Variants in STEAP1B observed in about 807,000 individuals in gnomAD.
The protein encoded by STEAP1B is STEAP family protein MGC87042.
Under a neutral mutation model 27.9 loss-of-function variants are expected in STEAP1B, and 13 were observed. The ratio of observed to expected loss-of-function variants is 0.47; its 90% confidence interval spans 0.30 to 0.74. STEAP1B has a LOEUF of 0.74. STEAP1B is among the 30% of genes least tolerant of loss of function. The pLI is 0.06. For missense variants in STEAP1B, 250 were observed against 298.7 expected (o/e 0.84, Z 1.20); for synonymous variants, 86 against 107.1 (o/e 0.80, Z 1.22).
intron 4 of STEAP1B, among the ~76,000 whole-genome samples, chr7:22,472,536 T>C (rs1785903018): frequency 6.6e-6 from 1 of 152,234 alleles, no homozygotes; most frequent in Non-Finnish European, 1.5e-5. Context: ...TTTAGAAGTT[T>C]TACGGCAAGT....
intron 4 of STEAP1B, among the ~76,000 whole-genome samples, chr7:22,454,856 T>TAAATATAA (rs1331271456): frequency 0.1 from 8,308 of 83,386 alleles, 328 homozygotes; most frequent in East Asian, 0.32. Flanking sequence ...TATGTATATA[T>TAAATATAA]ATATATATAT....
At chr7:22,420,765 T>C (rs1274128645) in intron 4 of STEAP1B, among the ~76,000 whole-genome samples, 1 of 152,248 alleles carries the variant, frequency 6.6e-6, no homozygotes, top group Non-Finnish European at 1.5e-5. Flanking sequence ...CATACTTACA[T>C]GGCACTTGGT....
At chr7:22,469,019 GC>G (rs1308569295) in intron 4 of STEAP1B, among the ~76,000 whole-genome samples, 1 of 152,096 alleles carries the variant, frequency 6.6e-6, no homozygotes, top group Non-Finnish European at 1.5e-5. Flanking sequence ...TTGTAAAACA[GC>G]CTCAGGTAGG....
intron 2 of STEAP1B, among the ~76,000 whole-genome samples, chr7:22,494,363 A>T (rs920905970): frequency 6.6e-6 from 1 of 152,134 alleles, no homozygotes; most frequent in Non-Finnish European, 1.5e-5. Context: ...ATCTCTTGGT[A>T]AGCTGCCACT....
intron 4 of STEAP1B, among the ~76,000 whole-genome samples, chr7:22,446,428 C>T (rs1428298771): frequency 6.6e-6 from 1 of 152,172 alleles, no homozygotes; most frequent in East Asian, 1.9e-4. Flanking sequence ...GATTCTTAGG[C>T]CAACCCCAGA....
rs1785019559 is a variant in STEAP1B at position 22,419,617 on chromosome 7, C to T, written c.*187G>A. 1 of 523,132 alleles carries T rather than the reference C, an allele frequency of 1.9e-6. No individual in the cohort carries two copies. The highest frequency in any genetic ancestry group is 1.9e-5 in the African/African-American group (1 of 51,872). 32.4% of individuals were successfully genotyped at this position (523,132 alleles called of 1,614,324 possible). On this transcript the variant is annotated 3_prime_UTR_variant, in exon 5 of 5. Coordinates refer to ENST00000678116, the MANE Select transcript of STEAP1B (RefSeq NM_001382447.1). Reference sequence around the variant, plus strand: ...CATATGGACTTTTTGTTTGCTCTCTCATGAGTCCGCTGGGGGATCCACTCA... The same window carrying T: ...CATATGGACTTTTTGTTTGCTCTCTTATGAGTCCGCTGGGGGATCCACTCA...
chr7:22,450,151 C>T (rs1432201390), intron 4 of STEAP1B, among the ~76,000 whole-genome samples: 2 of 152,084 alleles, frequency 1.3e-5, no homozygotes, highest in African/African-American at 2.4e-5. Context: ...TCCTATTTGT[C>T]CATTTTTGCT....
intron 4 of STEAP1B, among the ~76,000 whole-genome samples, chr7:22,460,895 T>C (rs1383551975): frequency 6.6e-6 from 1 of 152,184 alleles, no homozygotes; most frequent in Non-Finnish European, 1.5e-5. Flanking sequence ...AAGATATACC[T>C]TTTCATTGTA....
chr7:22,481,543 G>A (rs73085126), intron 4 of STEAP1B, among the ~76,000 whole-genome samples: 14,109 of 152,290 alleles, frequency 0.093, 744 homozygotes, highest in Non-Finnish European at 0.12. Context: ...AGGCCCCACC[G>A]TAGTCCAACA....
At chr7:22,452,410 G>A (rs994879493) in intron 4 of STEAP1B, among the ~76,000 whole-genome samples, 1 of 151,934 alleles carries the variant, frequency 6.6e-6, no homozygotes, top group Non-Finnish European at 1.5e-5. Flanking sequence ...GCCCTCTATT[G>A]GCAGACAATC....
At position 22,438,510 on chromosome 7, in the gene STEAP1B, C is replaced by A. The variant is rs377232146; in HGVS notation, c.763-18674G>T. The A allele has an allele frequency of 1.9e-6, 3 of 1,550,624 alleles. No individual in the cohort carries two copies. The African/African-American group carries it at 4.1e-5, about 21-fold the overall frequency. On this transcript the variant is annotated intron_variant, in intron 4 of 4. Coordinates refer to ENST00000678116, the MANE Select transcript of STEAP1B (RefSeq NM_001382447.1). Reference sequence around the variant, plus strand: ...ATGCTTAAATCTGAAAGATGATCAGCAATAACTTGTCTTTTTTATTGAGAT... The same window carrying A: ...ATGCTTAAATCTGAAAGATGATCAGAAATAACTTGTCTTTTTTATTGAGAT...
Position 22,419,559 on chromosome 7 carries a change from C to A in STEAP1B, c.*245G>T, listed in dbSNP as rs1162666509. On this transcript the variant is annotated 3_prime_UTR_variant, in exon 5 of 5. Transcript: ENST00000678116. The stretch of plus-strand genomic sequence containing the variant: ...GGATAGGCTAGGTTAGGCTCCGTAA[C>A]AACCAACACAATCTCAGTGGATTAG... The A allele has an allele frequency of 2.3e-5, 8 of 342,776 alleles. No individual in the cohort carries two copies. The highest frequency in any genetic ancestry group is 4.2e-5 in the Non-Finnish European group (8 of 188,540). The allele number at this position is 342,776 out of a possible 1,614,324, so 21.2% of individuals were successfully genotyped here. A position where few individuals can be genotyped will look rare whatever the true frequency, so the allele number is the denominator to read the frequency against.
intron 4 of STEAP1B, among the ~76,000 whole-genome samples, chr7:22,446,535 C>T (rs1785411803): frequency 1.3e-5 from 2 of 152,208 alleles, no homozygotes; most frequent in African/African-American, 4.8e-5. Context: ...TAAACACTGC[C>T]CTAAGATTTC....
chr7:22,466,764 C>T (rs1785791499), intron 4 of STEAP1B, among the ~76,000 whole-genome samples: 2 of 152,156 alleles, frequency 1.3e-5, no homozygotes, highest in South Asian at 4.1e-4. Context: ...AAGTAAGAAG[C>T]AGTTGACAGG....
chr7:22,484,124 G>A (rs1014921162), intron 4 of STEAP1B, among the ~76,000 whole-genome samples: 3 of 152,344 alleles, frequency 2.0e-5, no homozygotes, highest in African/African-American at 7.2e-5. Flanking sequence ...TGGAGAAGCT[G>A]TAGTGAGTTA....
chr7:22,485,750 T>C (rs1458205349), intron 4 of STEAP1B, among the ~76,000 whole-genome samples: 3 of 152,200 alleles, frequency 2.0e-5, no homozygotes. Flanking sequence ...TTGCGTGAAA[T>C]TCCACCATGA....
intron 1 of STEAP1B, among the ~76,000 whole-genome samples, chr7:22,496,895 C>T (rs990015388): frequency 2.6e-5 from 4 of 152,330 alleles, no homozygotes; most frequent in Admixed American, 6.5e-5. Flanking sequence ...CTTTTATATA[C>T]GCCAACATTT....
chr7:22,484,663 T>G (rs1786169024), intron 4 of STEAP1B, among the ~76,000 whole-genome samples: 1 of 152,246 alleles, frequency 6.6e-6, no homozygotes, highest in East Asian at 1.9e-4. Context: ...TTTTTTGAAG[T>G]ATATTTTATA....
chr7:22,499,111 C>T (rs2390659), intron 1 of STEAP1B, among the ~76,000 whole-genome samples: 136,532 of 152,276 alleles, frequency 0.9, 61,354 homozygotes, highest in African/African-American at 0.96. Context: ...TGTTAGGAAC[C>T]CCAGAATTCG....
Sources: allele counts gnomAD v4.1 joint callset (sites outside exome capture counted in the v4.1 genomes callset), GRCh38; gene constraint gnomAD v4.1.1; transcripts MANE v1.5; gene names NCBI Gene and HGNC (gene_info 2026-07-23, HGNC 2026-07-21).